Variants in MCM9 observed in about 807,000 individuals in gnomAD.
MCM9 encodes the protein minichromosome maintenance 9 homologous recombination repair factor.
In MCM9, 55 loss-of-function variants were observed where a neutral mutation model predicts 72.8. The observed-to-expected ratio is 0.76, with a 90% CI of 0.61 to 0.95. The LOEUF (loss-of-function observed/expected upper bound fraction) is 0.95, where lower values mean the gene tolerates loss of function less well. MCM9 is among the 40% of genes least tolerant of loss of function. MCM9 has a pLI of 0.00. For synonymous variants in MCM9, 480 were observed against 503.4 expected (o/e 0.95, Z 0.62); for missense variants, 1,279 against 1,377.0 (o/e 0.93, Z 1.13).
In MCM9 at chr6:118,893,977, G is replaced by C. The variant is rs1779152941; in HGVS notation, c.1150+17673C>G. On this transcript the variant is annotated intron_variant, in intron 8 of 13. Transcript: ENST00000619706. ...CCACGCCCCCTCCGCCCCTCTCCGC[G>C]CCGCCGCCGGCGGCCTCCGCGCGGG... is the stretch of plus-strand genomic sequence containing the variant. The C allele has an allele frequency of 5.3e-6, 5 of 943,578 alleles. No individual in the cohort carries two copies. The South Asian group carries it at 2.0e-4, about 37-fold the overall frequency. The allele number at this position is 943,578 out of a possible 1,614,324, so 58.5% of individuals were successfully genotyped here.
At chr6:118,880,307 G>A (rs981543715) in intron 8 of MCM9, among the ~76,000 whole-genome samples, 2 of 152,114 alleles carry the variant, frequency 1.3e-5, no homozygotes, top group African/African-American at 4.8e-5. Flanking sequence ...AGGAACTGTT[G>A]GAAACTCGAG....
intron 9 of MCM9, among the ~76,000 whole-genome samples, chr6:118,852,551 A>T (rs938483063): frequency 1.6e-4 from 25 of 152,320 alleles, no homozygotes; most frequent in African/African-American, 5.8e-4. Context: ...TTCCAAATGT[A>T]GGTATACTGT....
rs543310854 is a variant in MCM9 at position 118,844,895 on chromosome 6, A to T, written c.1325+11476T>A. On this transcript the variant is annotated intron_variant, in intron 9 of 13. Transcript: ENST00000619706. Reference sequence around the variant, plus strand: ...ATTTCTTAAGTGATTCTTTGTCTTCATTACAGTTCTGGACAGGCCAAACAC... The same window carrying T: ...ATTTCTTAAGTGATTCTTTGTCTTCTTTACAGTTCTGGACAGGCCAAACAC... Among the ~76,000 whole-genome samples, 8 of 151,908 alleles carry T rather than the reference A, an allele frequency of 5.3e-5. No homozygotes were observed. The South Asian group carries it at 1.7e-3, about 32-fold the overall frequency.
At chr6:118,894,783 C>A (rs1779238115) in intron 8 of MCM9, among the ~76,000 whole-genome samples, 2 of 152,220 alleles carry the variant, frequency 1.3e-5, no homozygotes, top group Non-Finnish European at 2.9e-5. Flanking sequence ...TCAGCTTTGT[C>A]TGCGGGCGGG....
In MCM9 at chr6:118,911,575, G is replaced by A. The variant is rs1172152679; in HGVS notation, c.1150+75C>T. The A allele has an allele frequency of 5.3e-6, 8 of 1,522,576 alleles. No individual in the cohort carries two copies. In the East Asian group the frequency reaches 1.6e-4, roughly 31 times the overall value. 94.3% of individuals were successfully genotyped at this position (1,522,576 alleles called of 1,614,324 possible). A position where few individuals can be genotyped will look rare whatever the true frequency, so the allele number is the denominator to read the frequency against. On this transcript the variant is annotated intron_variant, in intron 8 of 13. Transcript: ENST00000619706. ...CTTGAAATTTATCCTATTATAGGTA[G>A]TTTTTCATTAGAAAAAACCATTGTG...
intron 9 of MCM9, among the ~76,000 whole-genome samples, chr6:118,844,619 G>T (rs1308265543): frequency 6.6e-6 from 1 of 151,724 alleles, no homozygotes; most frequent in African/African-American, 2.4e-5. Context: ...TATGATCTTG[G>T]CAGAAACTGT....
chr6:118,927,473 T>C (rs1448963780), intron 3 of MCM9, among the ~76,000 whole-genome samples: 1 of 151,812 alleles, frequency 6.6e-6, no homozygotes, highest in Admixed American at 6.6e-5. Flanking sequence ...GGTGTGGTGG[T>C]GCATGCCTGT....
intron 8 of MCM9, chr6:118,908,536 G>A (rs1030174209): frequency 6.6e-5 from 10 of 151,848 alleles, no homozygotes; most frequent in Admixed American, 3.3e-4. Flanking sequence ...TAATAGATAC[G>A]TTACTATTTT....
chr6:118,876,544 A>C (rs960134104), intron 8 of MCM9, among the ~76,000 whole-genome samples: 1 of 152,226 alleles, frequency 6.6e-6, no homozygotes, highest in Non-Finnish European at 1.5e-5. Flanking sequence ...CTACTCTAAA[A>C]AACAAATTTT....
intron 3 of MCM9, among the ~76,000 whole-genome samples, chr6:118,927,158 G>A (rs1781964456): frequency 1.3e-5 from 2 of 152,114 alleles, no homozygotes; most frequent in South Asian, 4.2e-4. Flanking sequence ...CAAATTGATT[G>A]TTCAGTTTAA....
chr6:118,896,234 A>C (rs1412229892), intron 8 of MCM9, among the ~76,000 whole-genome samples: 1 of 152,150 alleles, frequency 6.6e-6, no homozygotes, highest in Non-Finnish European at 1.5e-5. Flanking sequence ...CATTGCAGCT[A>C]CCAGGCCCAT....
At chr6:118,874,056 A>T (rs749118502) in intron 8 of MCM9, among the ~76,000 whole-genome samples, 2 of 152,118 alleles carry the variant, frequency 1.3e-5, no homozygotes, top group African/African-American at 2.4e-5. Context: ...AAGTTCAAAG[A>T]CCAGCCTGGG....
chr6:118,917,459 T>C, intron 6 of MCM9, 102 bp downstream of exon 6: 1 of 1,140,306 alleles, frequency 8.8e-7, no homozygotes, highest in Non-Finnish European at 1.3e-6. Context: ...AACTCAGTCA[T>C]TGAGTTATGC....
chr6:118,907,740 T>A, intron 8 of MCM9: 1 of 714,348 alleles, frequency 1.4e-6, no homozygotes, highest in Middle Eastern at 3.4e-4. Flanking sequence ...CTGTAGAAAG[T>A]TTATAAGAAA....
chr6:118,878,589 C>A lies in MCM9; in HGVS notation c.1151-22044G>T, dbSNP rs1349189620. On this transcript the variant is annotated intron_variant, in intron 8 of 13. Transcript: ENST00000619706. ...GCACAAAGAAAAGGGAATAGAATTA[C>A]ATTGTAACAAATTTTTACACACTAT... is the stretch of plus-strand genomic sequence containing the variant. Among the ~76,000 whole-genome samples, 4 of 152,038 alleles carry A rather than the reference C, an allele frequency of 2.6e-5. No homozygotes were observed. In the East Asian group the frequency reaches 7.7e-4, roughly 29 times the overall value.
Position 118,814,804 on chromosome 6 carries a change from G to T in MCM9, c.*20C>A. 2 of 1,477,806 alleles carry T rather than the reference G, an allele frequency of 1.4e-6. No individual in the cohort carries two copies. Among genetic ancestry groups the T allele is most frequent in the South Asian group, 2.8e-5 (2 of 71,100 alleles). The allele number at this position is 1,477,806 out of a possible 1,614,324, so 91.5% of individuals were successfully genotyped here. ...TGTGGAGTTGAAGAAGGTGAGATTT[G>T]ACCAGAAAGCTTTTCCCAACTATGA... On this transcript the variant is annotated 3_prime_UTR_variant, in exon 14 of 14. Coordinates refer to ENST00000619706, the MANE Select transcript of MCM9 (RefSeq NM_017696.3).
At position 118,926,435 on chromosome 6, in the gene MCM9, T is replaced by A. The variant is rs531749038; in HGVS notation, c.305-2308A>T. On this transcript the variant is annotated intron_variant, in intron 3 of 13. Coordinates refer to ENST00000619706, the MANE Select transcript of MCM9 (RefSeq NM_017696.3). ...ACACTAAAAGTGACAAACAGAATAA[T>A]TTATGGGTGCTCAAAGTATAATTTC... Among the ~76,000 whole-genome samples the A allele has an allele frequency of 3.1e-4, 47 of 152,306 alleles. No individual in the cohort carries two copies. The South Asian group carries it at 3.5e-3, about 11-fold the overall frequency.
chr6:118,897,442 T>TTA (rs34389809), intron 8 of MCM9, among the ~76,000 whole-genome samples: 3,400 of 151,152 alleles, frequency 0.022, 129 homozygotes, highest in African/African-American at 0.078. Flanking sequence ...ATTCTTAAAT[T>TTA]TATATATATA....
intron 8 of MCM9, among the ~76,000 whole-genome samples, chr6:118,860,631 C>T (rs1776840865): frequency 6.6e-6 from 1 of 151,930 alleles, no homozygotes; most frequent in African/African-American, 2.4e-5. Context: ...AAAATGAATG[C>T]CCAAGAAAAC....
Sources: allele counts gnomAD v4.1 joint callset (sites outside exome capture counted in the v4.1 genomes callset), GRCh38; gene constraint gnomAD v4.1.1; transcripts MANE v1.5; gene names NCBI Gene and HGNC (gene_info 2026-07-23, HGNC 2026-07-21).